CAMK4: variants seen among roughly 807,000 people sequenced by gnomAD.
CAMK4 encodes calcium/calmodulin dependent protein kinase IV, also known as calcium/calmodulin-dependent protein kinase type IV.
CAMK4 carries 22 observed loss-of-function variants against 44.9 expected under a neutral mutation model. That is an observed-to-expected ratio of 0.49 (90% CI 0.35 to 0.70). The LOEUF is 0.70. Among genes scored for constraint, CAMK4 ranks in the 30% least tolerant of loss-of-function variants. The pLI, the probability that CAMK4 is intolerant of heterozygous loss-of-function variation, is 0.01. For synonymous variants in CAMK4, 218 were observed against 215.4 expected, an observed-to-expected ratio of 1.01 and a Z score of -0.11; for missense variants, 498 against 586.8, an observed-to-expected ratio of 0.85 and a Z score of 1.56.
intron 1 of CAMK4, among the ~76,000 whole-genome samples, chr5:111,248,971 G>T (rs139406872): frequency 8.5e-4 from 127 of 148,920 alleles, no homozygotes; most frequent in African/African-American, 3.0e-3. Flanking sequence ...GCGGTGTGTG[G>T]GGGGGTCACC....
chr5:111,251,222 A>G (rs1749475550), intron 1 of CAMK4, among the ~76,000 whole-genome samples: 2 of 151,806 alleles, frequency 1.3e-5, no homozygotes, highest in African/African-American at 4.8e-5. Context: ...GTCTGGTTAC[A>G]TTTTACTCCT....
At chr5:111,232,760 T>C (rs9285875) in intron 1 of CAMK4, among the ~76,000 whole-genome samples, 117,705 of 151,650 alleles carry the variant, frequency 0.78, 46,225 homozygotes, top group African/African-American at 0.9. Context: ...AAACTGATGA[T>C]GTAAATTTTT....
chr5:111,321,196 A>G (rs769746057), intron 1 of CAMK4, among the ~76,000 whole-genome samples: 12 of 152,132 alleles, frequency 7.9e-5, no homozygotes, highest in Non-Finnish European at 7.4e-5. Context: ...GGGAGGTGGT[A>G]TAAATGTGTG....
intron 4 of CAMK4, among the ~76,000 whole-genome samples, chr5:111,385,439 C>T (rs1388651223): frequency 6.6e-6 from 1 of 152,010 alleles, no homozygotes; most frequent in Non-Finnish European, 1.5e-5. Context: ...CAATTGTACA[C>T]TGTTGGGTAA....
intron 1 of CAMK4, among the ~76,000 whole-genome samples, chr5:111,295,478 T>C (rs1331493851): frequency 1.3e-5 from 2 of 152,210 alleles, no homozygotes; most frequent in East Asian, 1.9e-4. Flanking sequence ...TATCAGTTTA[T>C]CCTTTAGCTT....
chr5:111,391,604 G>A (rs1751802255), intron 4 of CAMK4, among the ~76,000 whole-genome samples: 1 of 151,596 alleles, frequency 6.6e-6, no homozygotes, highest in South Asian at 2.1e-4. Context: ...ATAAATCAAA[G>A]GTAGAAAAAT....
At chr5:111,231,500 A>C (rs66668391) in intron 1 of CAMK4, among the ~76,000 whole-genome samples, 9,023 of 152,288 alleles carry the variant, frequency 0.059, 306 homozygotes, top group Middle Eastern at 0.088. Context: ...TCTCCTCTTG[A>C]GAATCATGTC....
intron 1 of CAMK4, among the ~76,000 whole-genome samples, chr5:111,229,560 T>A (rs1192012552): frequency 1.3e-5 from 2 of 152,224 alleles, no homozygotes; most frequent in African/African-American, 4.8e-5. Context: ...TCCTTTTTTT[T>A]GGTCAACCAA....
chr5:111,377,179 CT>C (rs911956031), intron 4 of CAMK4, among the ~76,000 whole-genome samples: 114 of 152,108 alleles, frequency 7.5e-4, no homozygotes, highest in African/African-American at 2.7e-3. Flanking sequence ...ATCTATTTAT[CT>C]TTGCAAATAT....
chr5:111,363,768 C>A (rs982510025), intron 2 of CAMK4, among the ~76,000 whole-genome samples: 2 of 152,082 alleles, frequency 1.3e-5, no homozygotes, highest in African/African-American at 4.8e-5. Context: ...ATATGAAGGA[C>A]AGTGACATCA....
At chr5:111,483,089 G>A (rs148932858) in intron 10 of CAMK4, 152 bp downstream of exon 10, 1 of 606,656 alleles carries the variant, frequency 1.6e-6, no homozygotes, top group East Asian at 3.3e-5. Context: ...ACTCCAATAA[G>A]GCTGACACAA....
chr5:111,384,066 G>A (rs1388702146), intron 4 of CAMK4, among the ~76,000 whole-genome samples: 1 of 152,122 alleles, frequency 6.6e-6, no homozygotes, highest in Non-Finnish European at 1.5e-5. Context: ...TTCCAGTATT[G>A]TTAAAGAAGG....
chr5:111,328,879 T>G (rs759248070), intron 1 of CAMK4, among the ~76,000 whole-genome samples: 3 of 152,108 alleles, frequency 2.0e-5, no homozygotes, highest in African/African-American at 4.8e-5. Context: ...GAGACTTTGC[T>G]GAAGTCGCTT....
intron 1 of CAMK4, among the ~76,000 whole-genome samples, chr5:111,299,092 C>G (rs1386514938): frequency 6.6e-6 from 1 of 152,232 alleles, no homozygotes; most frequent in Non-Finnish European, 1.5e-5. Flanking sequence ...GCACATGTCC[C>G]TACCTGGAAG....
At chr5:111,424,006 T>C (rs529715237) in intron 5 of CAMK4, among the ~76,000 whole-genome samples, 1 of 152,294 alleles carries the variant, frequency 6.6e-6, no homozygotes, top group East Asian at 1.9e-4. Context: ...ACACAGCTGG[T>C]CCATGGACGA....
chr5:111,333,689 C>T (rs1242897183), intron 1 of CAMK4, among the ~76,000 whole-genome samples: 1 of 151,594 alleles, frequency 6.6e-6, no homozygotes, highest in South Asian at 2.1e-4. Context: ...AAAGTCACAA[C>T]TGGATGCTGT....
intron 2 of CAMK4, among the ~76,000 whole-genome samples, chr5:111,366,312 T>TG (rs765995705): frequency 9.9e-5 from 15 of 152,150 alleles, no homozygotes; most frequent in Non-Finnish European, 1.8e-4. Context: ...TCTGTGGAAA[T>TG]GCTGCTTTAC....
chr5:111,407,402 T>C (rs539674071), intron 5 of CAMK4, among the ~76,000 whole-genome samples: 1 of 148,768 alleles, frequency 6.7e-6, no homozygotes, highest in African/African-American at 2.5e-5. Context: ...AGTATACTAA[T>C]AGAGAAGTAC....
At chr5:111,239,832 T>C (rs908931328) in intron 1 of CAMK4, among the ~76,000 whole-genome samples, 4 of 152,244 alleles carry the variant, frequency 2.6e-5, no homozygotes, top group African/African-American at 9.6e-5. Context: ...GATTCTAAAA[T>C]TCTGGAAATG....
Sources: allele counts gnomAD v4.1 joint callset (sites outside exome capture counted in the v4.1 genomes callset), GRCh38; gene constraint gnomAD v4.1.1; transcripts MANE v1.5; gene names NCBI Gene and HGNC (gene_info 2026-07-23, HGNC 2026-07-21).